The following PYGB variants were observed in gnomAD, a reference collection of about 807,000 sequenced individuals.
PYGB encodes the protein glycogen phosphorylase B.
In PYGB, 82 loss-of-function variants were observed where a neutral mutation model predicts 94.3. That is an observed-to-expected ratio of 0.87 (90% CI 0.73 to 1.04). The LOEUF (loss-of-function observed/expected upper bound fraction) is 1.04, where lower values mean the gene tolerates loss of function less well. Among genes scored for constraint, PYGB ranks in the 50% least tolerant of loss-of-function variants. PYGB has a pLI of 0.00. For synonymous variants in PYGB, 488 were observed against 479.1 expected, an observed-to-expected ratio of 1.02 and a Z score of -0.24; for missense variants, 1,132 against 1,158.2, an observed-to-expected ratio of 0.98 and a Z score of 0.33.
rs113897791 is a variant in PYGB at position 25,292,503 on chromosome 20, C to T, written c.2067C>T (p.Thr689=). 13 of 1,613,686 alleles carry T rather than the reference C, an allele frequency of 8.1e-6. 1 individual carries two copies. The African/African-American group carries it at 1.3e-4, about 17-fold the overall frequency. Residue 689 remains threonine, a synonymous_variant, in exon 17 of 20, where the codon ACC becomes ACT. Coordinates refer to ENST00000216962, the MANE Select transcript of PYGB (RefSeq NM_002862.4). ...NMKFMLNGAL[T]IGTMDGANVE... ...AGTTCATGCTCAACGGGGCCCTCAC[C>T]ATCGGCACCATGGACGGCGCCAACG...
intron 18 of PYGB, chr20:25,295,181 T>C: frequency 1.2e-6 from 1 of 840,242 alleles, no homozygotes; most frequent in Non-Finnish European, 2.0e-6. Flanking sequence ...ATTTCCTGTG[T>C]AGGCAAATCC....
chr20:25,276,895 C>G (rs2088317172), intron 6 of PYGB, 138 bp downstream of exon 6: 1 of 770,858 alleles, frequency 1.3e-6, no homozygotes, highest in Admixed American at 2.6e-5. Flanking sequence ...TCCCTGCGTC[C>G]CAGTGAAGAG....
intron 4 of PYGB, among the ~76,000 whole-genome samples, chr20:25,273,348 TGCCTGCTGTGCGGAGGG>T (rs567090327): frequency 2.3e-3 from 353 of 151,850 alleles, no homozygotes; most frequent in African/African-American, 7.5e-3. Flanking sequence ...CATGGGGAGG[TGCCTGCTGTGCGGAGGG>T]GCCTGCTGTG....
intron 2 of PYGB, among the ~76,000 whole-genome samples, chr20:25,261,612 A>G (rs6050494): frequency 0.065 from 9,899 of 152,294 alleles, 995 homozygotes; most frequent in African/African-American, 0.22. Flanking sequence ...CGCCAGCAAT[A>G]GAACAAAGCT....
chr20:25,276,921 T>C (rs1029530968), intron 6 of PYGB, among the ~76,000 whole-genome samples, 164 bp downstream of exon 6: 1 of 151,974 alleles, frequency 6.6e-6, no homozygotes. Context: ...CTGGTGCAGC[T>C]TACCTGTGTG....
chr20:25,280,083 T>C (rs192717826), intron 9 of PYGB, among the ~76,000 whole-genome samples, 183 bp from the exon 10 acceptor site: 1 of 152,352 alleles, frequency 6.6e-6, no homozygotes, highest in Non-Finnish European at 1.5e-5. Flanking sequence ...GAGTGAGGGC[T>C]CTGGGCTGCG....
intron 11 of PYGB, 118 bp downstream of exon 11, chr20:25,281,230 C>A (rs557617714): frequency 1.5e-6 from 2 of 1,340,808 alleles, no homozygotes; most frequent in South Asian, 2.8e-5. Flanking sequence ...GCCACTAGGC[C>A]CCTGCCTCCA....
At chr20:25,254,714 C>A (rs962881805) in intron 1 of PYGB, among the ~76,000 whole-genome samples, 16 of 152,214 alleles carry the variant, frequency 1.1e-4, no homozygotes, top group Non-Finnish European at 1.2e-4. Flanking sequence ...CGGTCCAGAT[C>A]ACTTAGTGTA....
intron 2 of PYGB, among the ~76,000 whole-genome samples, chr20:25,261,760 A>G (rs1048243409): frequency 6.6e-6 from 1 of 152,228 alleles, no homozygotes; most frequent in African/African-American, 2.4e-5. Context: ...GCTAACTAGA[A>G]TAACCAGTGC....
intron 14 of PYGB, chr20:25,285,161 G>A (rs1367450693): frequency 1.3e-5 from 2 of 152,196 alleles, no homozygotes; most frequent in African/African-American, 4.8e-5. Context: ...CACCCCCGCT[G>A]AGGACCCCTC....
intron 9 of PYGB, 68 bp from the exon 10 acceptor site, chr20:25,280,198 C>T (rs1399561008): frequency 5.1e-6 from 8 of 1,569,426 alleles, no homozygotes; most frequent in Non-Finnish European, 7.0e-6. Context: ...GCTCACCCTG[C>T]CTAGGCAACT....
In PYGB at chr20:25,274,701, G is replaced by T. The variant is rs762096129; in HGVS notation, c.638G>T (p.Gly213Val). ...GGACGCGTGGAGCACACCCCCGACGGCGTGAAGTGGCTGGACACACAGGTA... is the reference window on the plus strand; with the variant it reads ...GGACGCGTGGAGCACACCCCCGACGTCGTGAAGTGGCTGGACACACAGGTA... Reference protein sequence around the residue: ...FYGRVEHTPDGVKWLDTQVVL... With the variant: ...FYGRVEHTPDVVKWLDTQVVL... The change falls in exon 5 of 20, where the codon GGC becomes GTC. Residue 213 changes from glycine to valine, a missense_variant. Coordinates refer to ENST00000216962, the MANE Select transcript of PYGB (RefSeq NM_002862.4). 5 of 1,613,304 alleles carry T rather than the reference G, an allele frequency of 3.1e-6. No individual in the cohort carries two copies. The South Asian group carries it at 4.4e-5, about 14-fold the overall frequency.
chr20:25,281,876 C>T (rs1044922394), intron 11 of PYGB, among the ~76,000 whole-genome samples, 157 bp from the exon 12 acceptor site: 1 of 147,908 alleles, frequency 6.8e-6, no homozygotes, highest in Non-Finnish European at 1.5e-5. Context: ...CTCCCAGAGC[C>T]TGCAGCTGCC....
At chr20:25,279,319 G>A (rs1267722883) in intron 9 of PYGB, among the ~76,000 whole-genome samples, 170 bp downstream of exon 9, 1 of 152,132 alleles carries the variant, frequency 6.6e-6, no homozygotes, top group African/African-American at 2.4e-5. Flanking sequence ...AGGAGACGGA[G>A]GTTCCGGGGG....
chr20:25,265,592 ATT>A (rs34336965), intron 2 of PYGB, among the ~76,000 whole-genome samples: 296 of 119,596 alleles, frequency 2.5e-3, no homozygotes, highest in East Asian at 0.015. Context: ...TTGTTGTTGA[ATT>A]TTTTTTTTTT....
rs1342951966 is a variant in PYGB at position 25,292,445 on chromosome 20, C to T, written c.2009C>T (p.Ala670Val). Reference protein sequence around the residue: ...AADLSQQISTAGTEASGTGNM... With the variant: ...AADLSQQISTVGTEASGTGNM... ...GATCTGTCGCAGCAGATCTCCACTG[C>T]AGGCACCGAGGCCTCAGGCACAGGC... The change falls in exon 17 of 20, where the codon GCA becomes GTA. Residue 670 changes from alanine (A) to valine (V), a missense_variant. Coordinates refer to ENST00000216962, the MANE Select transcript of PYGB (RefSeq NM_002862.4). 6.2e-7 allele frequency: 1 copy of T among 1,613,392 alleles called. No individual in the cohort carries two copies. Among genetic ancestry groups the T allele is most frequent in the Non-Finnish European group, 8.5e-7 (1 of 1,180,026 alleles).
Position 25,292,504 on chromosome 20 carries a change from A to T in PYGB, c.2068A>T (p.Ile690Phe). The T allele has an allele frequency of 1.2e-6, 2 of 1,613,600 alleles. No homozygotes were observed. Among genetic ancestry groups the T allele is most frequent in the Non-Finnish European group, 1.7e-6 (2 of 1,179,980 alleles). The change falls in exon 17 of 20, where the codon ATC becomes TTC. Residue 690 changes from isoleucine to phenylalanine, a missense_variant. By Grantham distance (21) the Ile-to-Phe change is conservative. Transcript: ENST00000216962. The stretch of plus-strand genomic sequence containing the variant: ...GTTCATGCTCAACGGGGCCCTCACC[A>T]TCGGCACCATGGACGGCGCCAACGT... ...MKFMLNGALT[I>F]GTMDGANVEM...
intron 17 of PYGB, among the ~76,000 whole-genome samples, chr20:25,293,101 A>G (rs1215640657): frequency 7.7e-6 from 1 of 129,988 alleles, no homozygotes; most frequent in East Asian, 2.4e-4. Flanking sequence ...GTATTTTGGA[A>G]ACATTTTAAA....
At chr20:25,289,454 G>A (rs2088446331) in intron 15 of PYGB, among the ~76,000 whole-genome samples, 1 of 152,182 alleles carries the variant, frequency 6.6e-6, no homozygotes, top group Non-Finnish European at 1.5e-5. Context: ...AGACCAGCCT[G>A]AGCAGTGTGG....
Sources: gnomAD v4.1 joint callset for allele counts (sites outside exome capture counted in the v4.1 genomes callset) on GRCh38, gnomAD v4.1.1 for gene constraint, MANE v1.5 for transcripts, NCBI Gene and HGNC (gene_info 2026-07-23, HGNC 2026-07-21) for gene names.